The following HDAC5 variants were observed in gnomAD, a reference collection of about 807,000 sequenced individuals.
The protein encoded by HDAC5 is antigen NY-CO-9.
In HDAC5, 25 loss-of-function variants were observed where a neutral mutation model predicts 133.3. The ratio of observed to expected loss-of-function variants is 0.19; its 90% CI spans 0.14 to 0.26. The LOEUF (loss-of-function observed/expected upper bound fraction) is 0.26. Among genes scored for constraint, HDAC5 ranks in the 10% least tolerant of loss-of-function variants. The pLI is 1.00. For missense variants in HDAC5, 1,041 were observed against 1,460.5 expected (o/e 0.71, Z 4.68); for synonymous variants, 589 against 610.8 (o/e 0.96, Z 0.53).
chr17:44,084,902 C>T, intron 15 of HDAC5, 120 bp downstream of exon 15: 2 of 1,369,036 alleles, frequency 1.5e-6, no homozygotes, highest in Non-Finnish European at 2.0e-6. Flanking sequence ...GGTGGGAGAA[C>T]TGGCCCCGAA....
rs2143503163 is a variant in HDAC5 at position 44,106,109 on chromosome 17, G to A, written c.94+4620C>T. ...AACCTGACAGCTGTTACAGCTGTGT[G>A]CATGGACACAGTTAATCTGATTTCC... On this transcript the variant is annotated intron_variant, in intron 3 of 26. Coordinates refer to ENST00000682912, the MANE Select transcript of HDAC5 (RefSeq NM_005474.5). Among the ~76,000 whole-genome samples, 2 of 152,298 alleles carry A rather than the reference G, an allele frequency of 1.3e-5. 1 individual carries two copies. Among genetic ancestry groups the A allele is most frequent in the African/African-American group, 4.8e-5 (2 of 41,540 alleles).
rs1167761080 is a variant in HDAC5, at chr17:44,110,751, A to G, written c.72T>C (p.Ser24=). The G allele has an allele frequency of 6.2e-7, 1 of 1,613,958 alleles. No individual in the cohort carries two copies. The change falls in exon 3 of 27, where the codon TCT becomes TCC. Residue 24 remains serine, a synonymous_variant. Coordinates refer to ENST00000682912, the MANE Select transcript of HDAC5 (RefSeq NM_005474.5). Reference sequence around the variant, plus strand: ...TACCTGTCACAGGGATGCTGTGCAGAGAAGTCCGCGGCAGGATTTCCAAGG... The same window carrying G: ...TACCTGTCACAGGGATGCTGTGCAGGGAAGTCCGCGGCAGGATTTCCAAGG... ...EPSLEILPRT[S]LHSIPVTVEV...
In HDAC5 at chr17:44,078,369, C is replaced by T. The variant is rs149368825; in HGVS notation, c.*7G>A. Reference sequence around the variant, plus strand: ...TGGTGAAGCCCAGAGGGATGGGGGCCGGGGCGTCACAGGGCAGGCTCCTGC... The same window carrying T: ...TGGTGAAGCCCAGAGGGATGGGGGCTGGGGCGTCACAGGGCAGGCTCCTGC... On this transcript the variant is annotated 3_prime_UTR_variant, in exon 27 of 27. Transcript: ENST00000682912. The T allele has an allele frequency of 8.7e-5, 132 of 1,523,096 alleles. No individual in the cohort carries two copies. The highest frequency in any genetic ancestry group is 3.9e-5 in the Non-Finnish European group (44 of 1,138,252). 94.3% of individuals were successfully genotyped at this position (1,523,096 alleles called of 1,614,324 possible).
At chr17:44,096,519 G>A (rs2051283885) in intron 3 of HDAC5, among the ~76,000 whole-genome samples, 1 of 150,928 alleles carries the variant, frequency 6.6e-6, no homozygotes, top group African/African-American at 2.4e-5. Flanking sequence ...TGTCATCCAG[G>A]CTGGAGTGCA....
intron 3 of HDAC5, among the ~76,000 whole-genome samples, chr17:44,099,708 T>C (rs550478082): frequency 1.6e-4 from 25 of 152,216 alleles, no homozygotes; most frequent in African/African-American, 5.3e-4. Flanking sequence ...TCTCCTGACC[T>C]CGTGATCTGC....
chr17:44,086,150 C>G (rs995980790), intron 14 of HDAC5, among the ~76,000 whole-genome samples: 12 of 152,212 alleles, frequency 7.9e-5, no homozygotes, highest in African/African-American at 2.9e-4. Flanking sequence ...GTGTCTTACT[C>G]TCCACGGGTG....
In HDAC5 at chr17:44,091,769, C is replaced by T. The variant is rs372350335; in HGVS notation, c.1095G>A (p.Thr365=). ...GGGAGATGTTGGGCAGAGAAGGAGA[C>T]GTGTAGAGGCTGAACTGGTTGGGGG... ...DSSPNQFSLY[T]SPSLPNISLG... The change falls in exon 10 of 27, where the codon ACG becomes ACA. Residue 365 remains threonine (T), a synonymous_variant. Coordinates refer to ENST00000682912, the MANE Select transcript of HDAC5 (RefSeq NM_005474.5). 3.7e-5 allele frequency: 60 copies of T among 1,602,034 alleles called. No individual in the cohort carries two copies. The Admixed American group carries it at 5.3e-4, about 14-fold the overall frequency.
intron 25 of HDAC5, 57 bp from the exon 26 acceptor site, chr17:44,078,722 G>C: frequency 6.2e-7 from 1 of 1,609,922 alleles, no homozygotes; most frequent in Non-Finnish European, 8.5e-7. Flanking sequence ...CACATGAACA[G>C]TCCCAGTCCT....
At chr17:44,091,113 G>C (rs1255612572) in intron 11 of HDAC5, among the ~76,000 whole-genome samples, 157 bp downstream of exon 11, 1 of 152,250 alleles carries the variant, frequency 6.6e-6, no homozygotes, top group African/African-American at 2.4e-5. Flanking sequence ...CAAGAACAGT[G>C]CCTGGCATCC....
rs903263602 is a variant in HDAC5 at position 44,084,682 on chromosome 17, G to A, written c.2185-7C>T. ...CTTTGCGACCTCGGATCCGCTGCCA[G>A]GAGGATCAGTAAGAGGGGTCACACA... On this transcript the variant is annotated splice_polypyrimidine_tract_variant and splice_region_variant and intron_variant, in intron 15 of 26. Coordinates refer to ENST00000682912, the MANE Select transcript of HDAC5 (RefSeq NM_005474.5). 1.2e-6 allele frequency: 2 copies of A among 1,613,782 alleles called. No homozygotes were observed. Among genetic ancestry groups the A allele is most frequent in the East Asian group, 2.2e-5 (1 of 44,896 alleles).
intron 16 of HDAC5, 120 bp downstream of exon 16, chr17:44,084,435 G>A (rs555721962): frequency 8.4e-5 from 101 of 1,207,684 alleles, no homozygotes; most frequent in African/African-American, 5.2e-4. Context: ...CACCTCTGCC[G>A]CAGCAATGCC....
chr17:44,114,284 G>A (rs1022510378), intron 2 of HDAC5, among the ~76,000 whole-genome samples: 1 of 152,218 alleles, frequency 6.6e-6, no homozygotes, highest in African/African-American at 2.4e-5. Flanking sequence ...TCAGACCCCA[G>A]CCCCATGCCA....
chr17:44,107,607 CAAAAA>C (rs61428400), intron 3 of HDAC5, among the ~76,000 whole-genome samples: 2 of 88,710 alleles, frequency 2.3e-5, no homozygotes, highest in African/African-American at 4.5e-5. Context: ...GACTCCGTAT[CAAAAA>C]AAAAAAAAAA....
intron 12 of HDAC5, among the ~76,000 whole-genome samples, chr17:44,087,947 G>A (rs747576374): frequency 6.6e-6 from 1 of 151,868 alleles, no homozygotes; most frequent in Non-Finnish European, 1.5e-5. Context: ...AAATTCAAGC[G>A]ATTCTCCTGC....
At chr17:44,080,941 T>A in intron 20 of HDAC5, 59 bp from the exon 21 acceptor site, 1 of 1,611,166 alleles carries the variant, frequency 6.2e-7, no homozygotes, top group South Asian at 1.1e-5. Flanking sequence ...AATGGTCAAA[T>A]TCCACCTGTC....
intron 11 of HDAC5, among the ~76,000 whole-genome samples, chr17:44,090,754 A>C (rs1226920726): frequency 2.6e-5 from 4 of 151,596 alleles, no homozygotes; most frequent in African/African-American, 7.3e-5. Context: ...CAGTGGCACG[A>C]TCTCGGCTCA....
chr17:44,099,479 CTTT>C (rs778651601), intron 3 of HDAC5, among the ~76,000 whole-genome samples: 3 of 143,948 alleles, frequency 2.1e-5, no homozygotes, highest in Non-Finnish European at 1.5e-5. Flanking sequence ...TTCGTTTTTT[CTTT>C]TTTTTTTTTT....
intron 23 of HDAC5, 120 bp downstream of exon 23, chr17:44,079,987 T>C (rs551464873): frequency 9.0e-6 from 7 of 773,568 alleles, no homozygotes; most frequent in African/African-American, 8.4e-5. Context: ...ATTCCAAGTC[T>C]AGGCCCTGCC....
At chr17:44,086,905 CT>C in intron 13 of HDAC5, 168 bp from the exon 14 acceptor site, 1 of 370,742 alleles carries the variant, frequency 2.7e-6, no homozygotes. Context: ...CACATCTCCT[CT>C]GAGATGGGGA....
Sources: gnomAD v4.1 joint callset for allele counts (sites outside exome capture counted in the v4.1 genomes callset) on GRCh38, gnomAD v4.1.1 for gene constraint, MANE v1.5 for transcripts, NCBI Gene and HGNC (gene_info 2026-07-23, HGNC 2026-07-21) for gene names.